Variants in OTOP1 observed in about 807,000 individuals in gnomAD.
OTOP1 encodes the protein otopetrin 1.
A neutral mutation model predicts 52.9 loss-of-function variants in OTOP1; 59 were observed. That is an observed-to-expected ratio of 1.12 (90% CI 0.91 to 1.39). The LOEUF (loss-of-function observed/expected upper bound fraction) is 1.39. Among genes scored for constraint, OTOP1 ranks in the 40% most tolerant of loss-of-function variants. The probability of loss-of-function intolerance (pLI) is 0.00; values close to 1 mark genes in which losing one functional copy is unlikely to be tolerated. For synonymous variants in OTOP1, 317 were observed against 337.7 expected, an observed-to-expected ratio of 0.94 and a Z score of 0.67; for missense variants, 761 against 800.9, an observed-to-expected ratio of 0.95 and a Z score of 0.60.
intron 1 of OTOP1, among the ~76,000 whole-genome samples, chr4:4,221,032 A>ATTATTTTATTCTATT (rs1717289320): frequency 1.4e-5 from 2 of 143,806 alleles, no homozygotes; most frequent in East Asian, 4.1e-4. Flanking sequence ...TTATTTATAT[A>ATTATTTTATTCTATT]TTATTTTATT....
chr4:4,212,038 T>C (rs1437870211), intron 2 of OTOP1, among the ~76,000 whole-genome samples: 5 of 152,186 alleles, frequency 3.3e-5, no homozygotes, highest in Admixed American at 6.5e-5. Context: ...TGCTTGACTG[T>C]AGTAATCACT....
chr4:4,221,620 C>A (rs531684172), intron 1 of OTOP1, among the ~76,000 whole-genome samples: 7 of 152,246 alleles, frequency 4.6e-5, no homozygotes, highest in African/African-American at 1.2e-4. Flanking sequence ...ACAGGTCATG[C>A]TCCCCAGCTT....
At chr4:4,226,110 G>A (rs1812111) in intron 1 of OTOP1, among the ~76,000 whole-genome samples, 55,429 of 152,110 alleles carry the variant, frequency 0.36, 10,871 homozygotes, top group African/African-American at 0.51. Context: ...GCCCTCGGGG[G>A]CCGAGTGCTA....
chr4:4,189,685 T>A (rs1452980088), intron 5 of OTOP1, among the ~76,000 whole-genome samples: 3 of 152,236 alleles, frequency 2.0e-5, no homozygotes, highest in Non-Finnish European at 2.9e-5. Context: ...GGACCTGCTA[T>A]CCCTCTTGCT....
At chr4:4,206,260 A>G in intron 2 of OTOP1, 130 bp from the exon 3 acceptor site, 1 of 672,102 alleles carries the variant, frequency 1.5e-6, no homozygotes, top group Non-Finnish European at 2.5e-6. Flanking sequence ...CTCCTACTCC[A>G]TCTTAGGTGG....
At chr4:4,220,474 A>G (rs1577185433) in intron 1 of OTOP1, among the ~76,000 whole-genome samples, 1 of 152,174 alleles carries the variant, frequency 6.6e-6, no homozygotes, top group Non-Finnish European at 1.5e-5. Flanking sequence ...CCAGCTGCCC[A>G]TTTCCTACCA....
chr4:4,210,216 A>G (rs1361560726), intron 2 of OTOP1, among the ~76,000 whole-genome samples: 3 of 152,202 alleles, frequency 2.0e-5, no homozygotes, highest in African/African-American at 7.2e-5. Flanking sequence ...TGAATGAACG[A>G]ACGCAGTTCG....
intron 1 of OTOP1, among the ~76,000 whole-genome samples, chr4:4,226,162 TG>T (rs1168650000): frequency 3.9e-5 from 6 of 151,968 alleles, no homozygotes; most frequent in Non-Finnish European, 7.4e-5. Flanking sequence ...GCCTCCATCA[TG>T]GGGTCAGTAG....
At chr4:4,216,942 C>T (rs11725336) in intron 1 of OTOP1, among the ~76,000 whole-genome samples, 60,059 of 152,096 alleles carry the variant, frequency 0.39, 13,154 homozygotes, top group South Asian at 0.53. Context: ...TCCTGGGCTC[C>T]GCCTCCAGAG....
At chr4:4,217,580 T>TA (rs1158118806) in intron 1 of OTOP1, among the ~76,000 whole-genome samples, 1 of 152,192 alleles carries the variant, frequency 6.6e-6, no homozygotes, top group Non-Finnish European at 1.5e-5. Flanking sequence ...GTCAATAAAA[T>TA]AGAGTATCTG....
intron 5 of OTOP1, among the ~76,000 whole-genome samples, chr4:4,192,409 C>T (rs993220135): frequency 6.6e-6 from 1 of 152,240 alleles, no homozygotes; most frequent in African/African-American, 2.4e-5. Context: ...GAATTTCTAA[C>T]CCACAAAGCC....
intron 1 of OTOP1, among the ~76,000 whole-genome samples, chr4:4,224,568 A>G (rs1198506000): frequency 1.3e-5 from 2 of 152,212 alleles, no homozygotes; most frequent in Non-Finnish European, 2.9e-5. Context: ...ATATCCTAAA[A>G]TAACACTTTG....
intron 2 of OTOP1, among the ~76,000 whole-genome samples, chr4:4,212,458 T>G (rs564443767): frequency 1.8e-4 from 27 of 152,342 alleles, no homozygotes; most frequent in African/African-American, 6.0e-4. Context: ...AAAATTGATT[T>G]TGGCAACTGT....
intron 1 of OTOP1, among the ~76,000 whole-genome samples, chr4:4,221,775 C>T (rs1207809974): frequency 6.6e-6 from 1 of 152,166 alleles, no homozygotes; most frequent in Non-Finnish European, 1.5e-5. Context: ...TGTCCCACCA[C>T]ACCCAGCTTT....
At chr4:4,207,995 G>C (rs771502612) in intron 2 of OTOP1, among the ~76,000 whole-genome samples, 1 of 152,150 alleles carries the variant, frequency 6.6e-6, no homozygotes, top group Admixed American at 6.6e-5. Context: ...CATGTGAGAG[G>C]GGGTAGAGGA....
chr4:4,189,467 G>A (rs1422623456), intron 5 of OTOP1, among the ~76,000 whole-genome samples: 2 of 152,134 alleles, frequency 1.3e-5, no homozygotes, highest in East Asian at 1.9e-4. Context: ...CCTCACTCCC[G>A]CTTCCGGCTG....
chr4:4,223,266 C>G (rs1301998060), intron 1 of OTOP1, among the ~76,000 whole-genome samples: 3 of 152,158 alleles, frequency 2.0e-5, no homozygotes, highest in Non-Finnish European at 4.4e-5. Context: ...GTGTCCCCAC[C>G]CTGCTCTTCC....
chr4:4,217,746 G>GT (rs1203801720), intron 1 of OTOP1, among the ~76,000 whole-genome samples: 2 of 152,110 alleles, frequency 1.3e-5, no homozygotes, highest in Non-Finnish European at 1.5e-5. Flanking sequence ...GGAGGTGATT[G>GT]TTGAACAGAG....
In OTOP1 at chr4:4,191,491, C is replaced by G. The variant is rs1045075020; in HGVS notation, c.1669-2518G>C. On this transcript the variant is annotated intron_variant, in intron 5 of 5. Transcript: ENST00000296358. ...GATTTCTAACCACCCACGCTTCTCCCCACTCACCCCACCCACATGGCACGC... is the reference window on the plus strand; with the variant it reads ...GATTTCTAACCACCCACGCTTCTCCGCACTCACCCCACCCACATGGCACGC... Among the ~76,000 whole-genome samples, 178 of 152,290 alleles carry G rather than the reference C, an allele frequency of 1.2e-3. 2 individuals carry two copies. Among genetic ancestry groups the G allele is most frequent in the Admixed American group, 0.012 (178 of 15,292 alleles).
Sources: allele counts gnomAD v4.1 joint callset (sites outside exome capture counted in the v4.1 genomes callset), GRCh38; gene constraint gnomAD v4.1.1; transcripts MANE v1.5; gene names NCBI Gene and HGNC (gene_info 2026-07-23, HGNC 2026-07-21).